Variants in SERPINF2 observed in about 807,000 individuals in gnomAD.
The protein encoded by SERPINF2 is alpha-2-antiplasmin.
SERPINF2 carries 15 observed loss-of-function variants against 45.0 expected under a neutral mutation model. The observed-to-expected ratio is 0.33, with a 90% CI of 0.22 to 0.51. The LOEUF is 0.51. Among genes scored for constraint, SERPINF2 ranks in the 20% least tolerant of loss-of-function variants. The probability of loss-of-function intolerance (pLI) is 0.97; values close to 1 mark genes in which losing one functional copy is unlikely to be tolerated. For synonymous variants in SERPINF2, 283 were observed against 277.9 expected (o/e 1.02, Z -0.18); for missense variants, 518 against 637.4 (o/e 0.81, Z 2.02).
At position 1,748,737 on chromosome 17, in the gene SERPINF2, C is replaced by T. The variant is rs557489822; in HGVS notation, c.855C>T (p.Ile285=). The change falls in exon 8 of 10, where the codon ATC becomes ATT. Residue 285 remains isoleucine (I), a synonymous_variant. Coordinates refer to ENST00000453066, the MANE Select transcript of SERPINF2 (RefSeq NM_000934.4). ...GGTTCTTGCTGGAGCAGCCTGAGAT[C>T]CAGGTCACCCTTGGTTGTCCAGCAG... is the stretch of plus-strand genomic sequence containing the variant. The part of the protein sequence containing the change: ...LRWFLLEQPE[I]QVAHFPFKNN... The T allele has an allele frequency of 1.4e-6, 2 of 1,425,430 alleles. No homozygotes were observed. The highest frequency in any genetic ancestry group is 4.5e-5 in the East Asian group (2 of 43,976). 88.3% of individuals were successfully genotyped at this position (1,425,430 alleles called of 1,614,324 possible).
Position 1,746,000 on chromosome 17 carries a change from C to T in SERPINF2, c.367+91C>T. ...GGTTCTCCGCGGGCGGTTCCTCCAC[C>T]AGGGTCACGTGGCTGTTTGGTAAAA... On this transcript the variant is annotated intron_variant, in intron 5 of 9. Transcript: ENST00000453066. The surrounding 1 kb of genome is among the most constrained non-coding windows in gnomAD (Gnocchi z 6.2). 1 of 1,375,172 alleles carries T rather than the reference C, an allele frequency of 7.3e-7. No homozygotes were observed. The highest frequency in any genetic ancestry group is 2.3e-5 in the East Asian group (1 of 43,698). The allele number at this position is 1,375,172 out of a possible 1,614,324, so 85.2% of individuals were successfully genotyped here. A position where few individuals can be genotyped will look rare whatever the true frequency, so the allele number is the denominator to read the frequency against.
At chr17:1,748,516 C>G (rs1906077172) in intron 7 of SERPINF2, 82 bp from the exon 8 acceptor site, 5 of 1,570,832 alleles carry the variant, frequency 3.2e-6, no homozygotes, top group South Asian at 2.2e-5. Flanking sequence ...AGAGCCCAAG[C>G]TGGTCCCCAT....
At chr17:1,751,960 C>T (rs1597333040) in intron 8 of SERPINF2, among the ~76,000 whole-genome samples, 2 of 138,430 alleles carry the variant, frequency 1.4e-5, no homozygotes, top group South Asian at 2.4e-4. Flanking sequence ...TTCCTTACGC[C>T]GGGTCACACG....
Position 1,745,592 on chromosome 17 carries a change from C to T in SERPINF2, c.166-116C>T. 8.0e-7 allele frequency: 1 copy of T among 1,253,868 alleles called. No homozygotes were observed. 77.7% of individuals were successfully genotyped at this position (1,253,868 alleles called of 1,614,324 possible). A position where few individuals can be genotyped will look rare whatever the true frequency, so the allele number is the denominator to read the frequency against. On this transcript the variant is annotated intron_variant, in intron 4 of 9. Transcript: ENST00000453066. The surrounding 1 kb of genome is among the most constrained non-coding windows in gnomAD (Gnocchi z 6.2). ...TGCCCTCCGTCTGACGCTCCCTCTT[C>T]CCTGGGGCTGGGACAAGGCCCTGCT...
In SERPINF2 at chr17:1,754,458, A is replaced by T; in HGVS notation, c.1400A>T (p.Asp467Val). ...AGCCTGAAAGGCTTCCCCCGCGGAG[A>T]CAAGCTTTTCGGCCCTGACTTAAAA... is the stretch of plus-strand genomic sequence containing the variant. ...LQSLKGFPRG[D>V]KLFGPDLKLV... Residue 467 changes from aspartate to valine, a missense_variant, in exon 10 of 10, where the codon GAC (aspartate) becomes GTC (valine). Physicochemically the swap from Asp to Val is radical, Grantham distance 152. This residue lies in a region of SERPINF2 where 83 missense variants were observed against 60.0 expected (regional missense o/e 1.38). Transcript: ENST00000453066. The T allele has an allele frequency of 6.2e-7, 1 of 1,608,306 alleles. No individual in the cohort carries two copies. Among genetic ancestry groups the T allele is most frequent in the Non-Finnish European group, 8.5e-7 (1 of 1,176,570 alleles).
intron 1 of SERPINF2, among the ~76,000 whole-genome samples, chr17:1,743,365 A>T (rs541889641): frequency 2.6e-5 from 4 of 152,130 alleles, no homozygotes; most frequent in Non-Finnish European, 5.9e-5. Context: ...CCATGGTGAG[A>T]CCTCAGGGCC....
chr17:1,754,911 T>G lies in SERPINF2; in HGVS notation c.*377T>G. The stretch of plus-strand genomic sequence containing the variant: ...GAGGGGGAGAGGGCTGCCTTTGGAC[T>G]TGTCCCGGGACACCTAGGCTAGGGT... On this transcript the variant is annotated 3_prime_UTR_variant, in exon 10 of 10. Transcript: ENST00000453066. 3.3e-6 allele frequency: 1 copy of G among 303,052 alleles called. No individual in the cohort carries two copies. The allele number at this position is 303,052 out of a possible 1,614,324, so 18.8% of individuals were successfully genotyped here.
intron 8 of SERPINF2, among the ~76,000 whole-genome samples, chr17:1,749,842 T>G (rs913807570): frequency 1.1e-4 from 16 of 152,342 alleles, no homozygotes; most frequent in Admixed American, 8.5e-4. Flanking sequence ...CACGGCCATG[T>G]AGCCACTCAG....
chr17:1,743,858 G>A (rs73292928), intron 1 of SERPINF2, among the ~76,000 whole-genome samples: 32,676 of 151,720 alleles, frequency 0.22, 3,572 homozygotes, highest in African/African-American at 0.23. Flanking sequence ...CCCAGCCATC[G>A]GGGGAGTGCC....
intron 1 of SERPINF2, among the ~76,000 whole-genome samples, chr17:1,744,201 G>T (rs1185792632): frequency 6.7e-6 from 1 of 150,240 alleles, no homozygotes; most frequent in Non-Finnish European, 1.5e-5. Context: ...TGGCCACAAA[G>T]ATGGTCTTTT....
At chr17:1,748,523 C>G (rs1429764970) in intron 7 of SERPINF2, 75 bp from the exon 8 acceptor site, 1 of 1,583,348 alleles carries the variant, frequency 6.3e-7, no homozygotes, top group Non-Finnish European at 8.6e-7. Context: ...AAGCTGGTCC[C>G]CATCGACGTG....
At position 1,745,618 on chromosome 17, in the gene SERPINF2, G is replaced by T. The variant is rs1905746533; in HGVS notation, c.166-90G>T. On this transcript the variant is annotated intron_variant, in intron 4 of 9. Coordinates refer to ENST00000453066, the MANE Select transcript of SERPINF2 (RefSeq NM_000934.4). This position sits in a 1 kb window ranked among gnomAD's most constrained non-coding sequence, Gnocchi z 6.2. Reference sequence around the variant, plus strand: ...CCTGGGGCTGGGACAAGGCCCTGCTGTCCTCAGGCACAGGGGCTGTGACAA... The same window carrying T: ...CCTGGGGCTGGGACAAGGCCCTGCTTTCCTCAGGCACAGGGGCTGTGACAA... 5.8e-6 allele frequency: 8 copies of T among 1,372,904 alleles called. No homozygotes were observed. The South Asian group carries it at 9.4e-5, about 16-fold the overall frequency. The allele number at this position is 1,372,904 out of a possible 1,614,324, so 85.0% of individuals were successfully genotyped here. A position where few individuals can be genotyped will look rare whatever the true frequency, so the allele number is the denominator to read the frequency against.
At position 1,744,985 on chromosome 17, in the gene SERPINF2, G is replaced by T. The variant is rs1470257773; in HGVS notation, c.-4-7G>T. On this transcript the variant is annotated splice_polypyrimidine_tract_variant and splice_region_variant and intron_variant, in intron 1 of 9. Coordinates refer to ENST00000453066, the MANE Select transcript of SERPINF2 (RefSeq NM_000934.4). ...GATGGGAACAGAGCTTTCTGTCCCT[G>T]CCACAGGAACATGGCGCTGCTCTGG... 6.2e-7 allele frequency: 1 copy of T among 1,613,898 alleles called. No individual in the cohort carries two copies. Among genetic ancestry groups the T allele is most frequent in the African/African-American group, 1.3e-5 (1 of 75,048 alleles).
chr17:1,752,561 T>C (rs1490244802), intron 8 of SERPINF2, 25 bp from the exon 9 acceptor site: 4 of 1,611,600 alleles, frequency 2.5e-6, no homozygotes, highest in Non-Finnish European at 3.4e-6. Flanking sequence ...TCTGTCCTCA[T>C]GCTCTTCCCT....
Position 1,747,064 on chromosome 17 carries a change from C to G in SERPINF2, c.413C>G (p.Ala138Gly). The G allele has an allele frequency of 6.2e-7, 1 of 1,608,786 alleles. No homozygotes were observed. The highest frequency in any genetic ancestry group is 8.5e-7 in the Non-Finnish European group (1 of 1,179,878). ...CAGAGGCTGCAACAGGTGCTGCACG[C>G]AGGCTCAGGGCCCTGCCTCCCCCAT... ...TLQRLQQVLH[A>G]GSGPCLPHLL... Residue 138 changes from alanine (A) to glycine (G), a missense_variant, in exon 6 of 10, where the codon GCA becomes GGA. Physicochemically the swap from Ala to Gly is moderately conservative, Grantham distance 60 (BLOSUM62 0). Around this residue, in one of 2 missense-constraint regions of SERPINF2, gnomAD observed 435 missense variants for 577.3 expected, o/e 0.75. Coordinates refer to ENST00000453066, the MANE Select transcript of SERPINF2 (RefSeq NM_000934.4).
At chr17:1,751,623 G>A (rs1480062914) in intron 8 of SERPINF2, among the ~76,000 whole-genome samples, 3 of 135,614 alleles carry the variant, frequency 2.2e-5, no homozygotes, top group Admixed American at 7.3e-5. Context: ...GCGTAGTGGC[G>A]GGCACCTGTA....
At position 1,753,858 on chromosome 17, in the gene SERPINF2, G is replaced by A. The variant is rs536493264; in HGVS notation, c.1064-264G>A. 3.3e-5 allele frequency among the ~76,000 whole-genome samples: 5 copies of A among 152,316 alleles called. No individual in the cohort carries two copies. In the South Asian group the frequency reaches 1.0e-3, roughly 32 times the overall value. On this transcript the variant is annotated intron_variant, in intron 9 of 9. Coordinates refer to ENST00000453066, the MANE Select transcript of SERPINF2 (RefSeq NM_000934.4). ...CAATCACATACTTACTACAGCATAA[G>A]CGATAAGACAGAGAGGGCTTCTCTC... is the stretch of plus-strand genomic sequence containing the variant.
At position 1,754,419 on chromosome 17, in the gene SERPINF2, A is replaced by G; in HGVS notation, c.1361A>G (p.Lys454Arg). ...GAACAGCAGGATTCCCCGGGCAACA[A>G]GGACTTCCTCCAGAGCCTGAAAGGC... is the stretch of plus-strand genomic sequence containing the variant. ...LKEQQDSPGN[K>R]DFLQSLKGFP... Residue 454 changes from lysine (K) to arginine (R), a missense_variant, in exon 10 of 10, where the codon AAG becomes AGG. Around this residue, in one of 2 missense-constraint regions of SERPINF2, gnomAD observed 83 missense variants for 60.0 expected, o/e 1.38. Coordinates refer to ENST00000453066, the MANE Select transcript of SERPINF2 (RefSeq NM_000934.4). 1 of 1,613,206 alleles carries G rather than the reference A, an allele frequency of 6.2e-7. No homozygotes were observed. The highest frequency in any genetic ancestry group is 8.5e-7 in the Non-Finnish European group (1 of 1,179,300).
chr17:1,745,503 C>A lies in SERPINF2; in HGVS notation c.165+108C>A. On this transcript the variant is annotated intron_variant, in intron 4 of 9. Transcript: ENST00000453066. This position sits in a 1 kb window ranked among gnomAD's most constrained non-coding sequence, Gnocchi z 6.2. ...GTGCTGAGGCTGAGGCTCTGGAGTC[C>A]AGAGGCCAGAAGGGAGAGAGGGTGG... is the stretch of plus-strand genomic sequence containing the variant. The A allele has an allele frequency of 1.5e-6, 2 of 1,369,674 alleles. No homozygotes were observed. Among genetic ancestry groups the A allele is most frequent in the Non-Finnish European group, 2.0e-6 (2 of 983,202 alleles). The allele number at this position is 1,369,674 out of a possible 1,614,324, so 84.8% of individuals were successfully genotyped here.
Sources: allele counts gnomAD v4.1 joint callset (sites outside exome capture counted in the v4.1 genomes callset), GRCh38; gene constraint gnomAD v4.1.1; regional missense constraint gnomAD v4.1.1; non-coding constraint Gnocchi (gnomAD v3.1); transcripts MANE v1.5; gene names NCBI Gene and HGNC (gene_info 2026-07-23, HGNC 2026-07-21).